The following MTDH variants were observed in gnomAD, a reference collection of about 807,000 sequenced individuals.
The protein encoded by MTDH is protein LYRIC.
Under a neutral mutation model 72.7 loss-of-function variants are expected in MTDH, and 34 were observed. That is an observed-to-expected ratio of 0.47 (90% confidence interval 0.36 to 0.62). The LOEUF is 0.62. Among genes scored for constraint, MTDH ranks in the 20% least tolerant of loss-of-function variants. MTDH has a pLI of 0.00. For missense variants in MTDH, 677 were observed against 699.4 expected (o/e 0.97, Z 0.36); for synonymous variants, 266 against 268.9 (o/e 0.99, Z 0.10).
chr8:97,661,954 C>T (rs3021472), intron 2 of MTDH, among the ~76,000 whole-genome samples: 19,951 of 150,352 alleles, frequency 0.13, 1,737 homozygotes, highest in East Asian at 0.25. Context: ...TATAGATGTG[C>T]ACTTTGATTT....
chr8:97,670,915 C>G (rs1277518121), intron 2 of MTDH, among the ~76,000 whole-genome samples: 1 of 151,422 alleles, frequency 6.6e-6, no homozygotes, highest in African/African-American at 2.4e-5. Context: ...CACTGCCACG[C>G]CTGGCTAATT....
intron 6 of MTDH, among the ~76,000 whole-genome samples, chr8:97,698,615 C>T (rs1396974852): frequency 6.6e-6 from 1 of 152,188 alleles, no homozygotes; most frequent in Non-Finnish European, 1.5e-5. Context: ...CCTCCTGCAA[C>T]TCTTCTTGTC....
Position 97,691,215 on chromosome 8 carries a change from T to G in MTDH, c.1048+27T>G, listed in dbSNP as rs1262518104. ...TAAGAAGTGTTAGAAAAATTTAACT[T>G]TATTTAAAATTACTAATCTTGTACA... On this transcript the variant is annotated intron_variant, in intron 6 of 11. Coordinates refer to ENST00000336273, the MANE Select transcript of MTDH (RefSeq NM_178812.4). The G allele has an allele frequency of 2.7e-6, 4 of 1,457,956 alleles. No homozygotes were observed. The Admixed American group carries it at 9.0e-5, about 33-fold the overall frequency. The allele number at this position is 1,457,956 out of a possible 1,614,324, so 90.3% of individuals were successfully genotyped here. A position where few individuals can be genotyped will look rare whatever the true frequency, so the allele number is the denominator to read the frequency against.
intron 1 of MTDH, among the ~76,000 whole-genome samples, chr8:97,657,163 A>T (rs1812011603): frequency 6.6e-6 from 1 of 152,188 alleles, no homozygotes; most frequent in African/African-American, 2.4e-5. Context: ...TTTTAAAAAA[A>T]GAAAGATCCA....
chr8:97,692,854 C>T (rs944586696), intron 6 of MTDH, among the ~76,000 whole-genome samples: 4 of 151,646 alleles, frequency 2.6e-5, no homozygotes, highest in Admixed American at 1.3e-4. Flanking sequence ...CTCAGCCACC[C>T]GAGTAGTTGG....
intron 8 of MTDH, among the ~76,000 whole-genome samples, chr8:97,709,817 A>G (rs930975867): frequency 1.3e-5 from 2 of 152,232 alleles, no homozygotes; most frequent in Admixed American, 6.5e-5. Flanking sequence ...TTTGAAATTT[A>G]TCAGTAATGT....
intron 10 of MTDH, among the ~76,000 whole-genome samples, chr8:97,721,834 C>T (rs1453852002): frequency 3.3e-5 from 5 of 152,176 alleles, no homozygotes; most frequent in African/African-American, 1.2e-4. Context: ...TTAAGCATTC[C>T]AATTTCACTA....
intron 8 of MTDH, among the ~76,000 whole-genome samples, chr8:97,711,676 C>T (rs1814645901): frequency 6.6e-6 from 1 of 152,188 alleles, no homozygotes; most frequent in African/African-American, 2.4e-5. Context: ...ATGACTGAAA[C>T]CACAGATAGT....
intron 2 of MTDH, among the ~76,000 whole-genome samples, chr8:97,685,278 C>T (rs1813314830): frequency 6.6e-6 from 1 of 151,620 alleles, no homozygotes; most frequent in Admixed American, 6.6e-5. Flanking sequence ...ATTAAACATA[C>T]ATGTTAATGA....
chr8:97,688,501 A>T (rs796411328), intron 4 of MTDH, among the ~76,000 whole-genome samples: 4 of 152,014 alleles, frequency 2.6e-5, no homozygotes, highest in African/African-American at 7.2e-5. Flanking sequence ...GCACAATCCT[A>T]TGTCATGCTG....
At chr8:97,682,750 TA>T (rs202070289) in intron 2 of MTDH, among the ~76,000 whole-genome samples, 35 of 151,588 alleles carry the variant, frequency 2.3e-4, no homozygotes, top group African/African-American at 8.0e-4. Flanking sequence ...TCTCCCTTCT[TA>T]AAAAAAAATC....
intron 1 of MTDH, among the ~76,000 whole-genome samples, chr8:97,655,306 C>A (rs1053754755): frequency 6.6e-6 from 1 of 152,046 alleles, no homozygotes; most frequent in Non-Finnish European, 1.5e-5. Context: ...AGGCATTGAG[C>A]CTTATCTTTG....
chr8:97,698,163 G>A (rs1482092866), intron 6 of MTDH, among the ~76,000 whole-genome samples: 1 of 152,170 alleles, frequency 6.6e-6, no homozygotes, highest in African/African-American at 2.4e-5. Flanking sequence ...GGACGTGATT[G>A]TATGTAACAC....
chr8:97,713,810 G>C (rs1215990332), intron 9 of MTDH, 41 bp downstream of exon 9: 2 of 1,195,000 alleles, frequency 1.7e-6, no homozygotes, highest in Non-Finnish European at 2.3e-6. Context: ...AGCGCCTCCG[G>C]CTTAAAATGT....
At chr8:97,670,440 A>C (rs1470689454) in intron 2 of MTDH, among the ~76,000 whole-genome samples, 1 of 152,198 alleles carries the variant, frequency 6.6e-6, no homozygotes, top group African/African-American at 2.4e-5. Context: ...AACAAGGTGA[A>C]GCCCCGTCTC....
rs1814664603 is a variant in MTDH at position 97,712,148 on chromosome 8, C to G, written c.1273-1514C>G. On this transcript the variant is annotated intron_variant, in intron 8 of 11. Transcript: ENST00000336273. ...CACCTCCCAGGTTCAAGCAGTTCTCCCATCTCAGCCTCCTGAGTAGCTGGG... is the reference window on the plus strand; with the variant it reads ...CACCTCCCAGGTTCAAGCAGTTCTCGCATCTCAGCCTCCTGAGTAGCTGGG... Among the ~76,000 whole-genome samples, 3 of 152,184 alleles carry G rather than the reference C, an allele frequency of 2.0e-5. No homozygotes were observed. In the South Asian group the frequency reaches 6.2e-4, roughly 32 times the overall value.
chr8:97,680,087 G>A (rs1047421439), intron 2 of MTDH, among the ~76,000 whole-genome samples: 12 of 151,908 alleles, frequency 7.9e-5, no homozygotes, highest in East Asian at 7.7e-4. Context: ...TTGTTTGTTC[G>A]TTTGAGACAA....
intron 2 of MTDH, among the ~76,000 whole-genome samples, chr8:97,677,646 T>G (rs1812911509): frequency 6.6e-6 from 1 of 152,154 alleles, no homozygotes; most frequent in East Asian, 1.9e-4. Flanking sequence ...AAGAAGGGGT[T>G]TTGAAATAAC....
chr8:97,726,040 A>G lies in MTDH; in HGVS notation c.*1370A>G, dbSNP rs878891453. 1.3e-5 allele frequency: 2 copies of G among 152,638 alleles called. No individual in the cohort carries two copies. Among genetic ancestry groups the G allele is most frequent in the African/African-American group, 4.8e-5 (2 of 41,450 alleles). The allele number at this position is 152,638 out of a possible 1,614,324, so 9.5% of individuals were successfully genotyped here. ...CGAACCTGTTTAACAGCTGTAACCA[A>G]TGGTACTGATCTATCCATCCAATGT... On this transcript the variant is annotated 3_prime_UTR_variant, in exon 12 of 12. Transcript: ENST00000336273.
Sources: gnomAD v4.1 joint callset for allele counts (sites outside exome capture counted in the v4.1 genomes callset) on GRCh38, gnomAD v4.1.1 for gene constraint, MANE v1.5 for transcripts, NCBI Gene and HGNC (gene_info 2026-07-23, HGNC 2026-07-21) for gene names.